Variants in SAMD12 observed in about 807,000 individuals in gnomAD.
SAMD12 encodes the protein sterile alpha motif domain-containing protein 12.
Under a neutral mutation model 15.0 loss-of-function variants are expected in SAMD12, and 9 were observed. That is an observed-to-expected ratio of 0.60 (90% CI 0.36 to 1.05). The LOEUF is 1.05. SAMD12 is among the 50% of genes least tolerant of loss of function. The pLI is 0.01. For missense variants in SAMD12, 230 were observed against 234.2 expected (o/e 0.98, Z 0.12); for synonymous variants, 86 against 90.1 (o/e 0.96, Z 0.25).
At chr8:118,608,719 G>T (rs909377181) in intron 1 of SAMD12, among the ~76,000 whole-genome samples, 10 of 152,102 alleles carry the variant, frequency 6.6e-5, no homozygotes, top group Admixed American at 2.0e-4. Context: ...GGCCAGGCTG[G>T]TCTCACACTC....
intron 4 of SAMD12, among the ~76,000 whole-genome samples, chr8:118,292,375 C>CACACACACACACACACACACACACAT (rs901976215): frequency 1.3e-5 from 2 of 151,398 alleles, no homozygotes; most frequent in Admixed American, 6.6e-5. Flanking sequence ...CACACACACA[C>CACACACACACACACACACACACACAT]ATATTCCGGA....
chr8:118,269,214 CTCTCTCTGTGTGTG>C (rs1450458645), intron 4 of SAMD12, among the ~76,000 whole-genome samples: 69 of 118,040 alleles, frequency 5.8e-4, no homozygotes, highest in African/African-American at 1.8e-3. Context: ...CTCTCTCTCT[CTCTCTCTGTGTGTG>C]TGTGTGTGTG....
At chr8:118,369,120 C>A (rs12675261) in intron 4 of SAMD12, among the ~76,000 whole-genome samples, 91 of 152,104 alleles carry the variant, frequency 6.0e-4, no homozygotes, top group Admixed American at 8.5e-4. Context: ...TGGAGCACAC[C>A]GGATGGAAGA....
chr8:118,419,336 T>G (rs1225986890), intron 3 of SAMD12, among the ~76,000 whole-genome samples: 4 of 152,354 alleles, frequency 2.6e-5, no homozygotes, highest in Middle Eastern at 6.8e-3. Flanking sequence ...GAAAAGAGTT[T>G]CACACTAATA....
At chr8:118,486,415 A>G (rs1380043783) in intron 2 of SAMD12, among the ~76,000 whole-genome samples, 6 of 114,292 alleles carry the variant, frequency 5.2e-5, no homozygotes, top group Non-Finnish European at 1.0e-4. Context: ...GAATCCGTCT[A>G]AAAAAAAAAA....
At chr8:118,197,261 C>A in exon 5 of SAMD12, 1 of 188,254 alleles carries the variant, frequency 5.3e-6, no homozygotes, top group Admixed American at 5.4e-5. Context: ...CCTACCAGGG[C>A]ATAATATTGT....
At chr8:118,531,535 C>G (rs1471788591) in intron 2 of SAMD12, among the ~76,000 whole-genome samples, 1 of 152,110 alleles carries the variant, frequency 6.6e-6, no homozygotes, top group South Asian at 2.1e-4. Flanking sequence ...GCCATTTTCA[C>G]GATATTGATT....
chr8:118,361,715 A>G (rs1818509578), intron 4 of SAMD12, among the ~76,000 whole-genome samples: 2 of 152,232 alleles, frequency 1.3e-5, no homozygotes. Flanking sequence ...ATGTATATTT[A>G]TATGCACCTA....
intron 2 of SAMD12, among the ~76,000 whole-genome samples, chr8:118,513,160 C>T (rs368846362): frequency 6.6e-6 from 1 of 152,102 alleles, no homozygotes; most frequent in African/African-American, 2.4e-5. Flanking sequence ...TTCAGACATG[C>T]ACTAGTCATT....
intron 2 of SAMD12, among the ~76,000 whole-genome samples, chr8:118,541,391 G>T (rs1372497986): frequency 6.6e-6 from 1 of 152,174 alleles, no homozygotes; most frequent in South Asian, 2.1e-4. Context: ...AAGTCATTGG[G>T]CATCAGTTGA....
chr8:118,273,620 C>T (rs938118502), intron 4 of SAMD12, among the ~76,000 whole-genome samples: 2 of 152,132 alleles, frequency 1.3e-5, no homozygotes, highest in Non-Finnish European at 2.9e-5. Context: ...CCCAGAGTGG[C>T]CCCATGATGA....
intron 2 of SAMD12, among the ~76,000 whole-genome samples, chr8:118,475,348 A>T (rs1417067333): frequency 6.6e-6 from 1 of 152,160 alleles, no homozygotes; most frequent in Non-Finnish European, 1.5e-5. Context: ...ACCATTCTCC[A>T]TGAGTGGAAG....
chr8:118,133,930 T>C, the SAMD12 span, among the ~76,000 whole-genome samples: 10 of 152,364 alleles, frequency 6.6e-5, no homozygotes, highest in African/African-American at 2.4e-4. Context: ...TTGTTTATCA[T>C]GTCTTGATAA....
chr8:118,374,959 T>C (rs1819306537), downstream of SAMD12, among the ~76,000 whole-genome samples: 1 of 152,124 alleles, frequency 6.6e-6, no homozygotes, highest in South Asian at 2.1e-4. Flanking sequence ...TTGATGTGTA[T>C]CAGTAATTCT....
At chr8:118,482,716 G>T (rs1824162341) in intron 2 of SAMD12, among the ~76,000 whole-genome samples, 1 of 152,160 alleles carries the variant, frequency 6.6e-6, no homozygotes, top group Admixed American at 6.5e-5. Flanking sequence ...ATCCCTCACA[G>T]GTATGGAAGG....
the SAMD12 span, among the ~76,000 whole-genome samples, chr8:118,159,778 C>T: frequency 6.1e-5 from 9 of 148,136 alleles, no homozygotes; most frequent in East Asian, 4.0e-4. Context: ...CGCAATGGTA[C>T]GATCTCAGCT....
intron 4 of SAMD12, among the ~76,000 whole-genome samples, chr8:118,329,699 G>T (rs1195835331): frequency 6.6e-6 from 1 of 152,158 alleles, no homozygotes; most frequent in East Asian, 1.9e-4. Flanking sequence ...ATGGGTCATT[G>T]CTGCATGTTT....
chr8:118,564,376 T>C lies in SAMD12; in HGVS notation c.192+16339A>G, dbSNP rs570707625. Among the ~76,000 whole-genome samples, 6 of 152,296 alleles carry C rather than the reference T, an allele frequency of 3.9e-5. No homozygotes were observed. In the South Asian group the frequency reaches 1.2e-3, roughly 32 times the overall value. ...GAAAGTAAACGGAAGCAGTGGCTAA[T>C]TGCTGTCACTTACATACAATACAAA... On this transcript the variant is annotated intron_variant, in intron 2 of 3. Transcript: ENST00000314727.
chr8:118,341,909 G>A (rs1586564298), intron 4 of SAMD12, among the ~76,000 whole-genome samples: 1 of 152,234 alleles, frequency 6.6e-6, no homozygotes, highest in South Asian at 2.1e-4. Flanking sequence ...GAAACCGTCT[G>A]TGTGGCAGAC....
Sources: allele counts gnomAD v4.1 joint callset (sites outside exome capture counted in the v4.1 genomes callset), GRCh38; gene constraint gnomAD v4.1.1; transcripts MANE v1.5; gene names NCBI Gene and HGNC (gene_info 2026-07-23, HGNC 2026-07-21).